MLXIP: variants seen among roughly 807,000 people sequenced by gnomAD.
The protein encoded by MLXIP is MLX interacting protein.
Under a neutral mutation model 87.2 loss-of-function variants are expected in MLXIP, and 30 were observed. That is an observed-to-expected ratio of 0.34 (90% confidence interval 0.26 to 0.47). The LOEUF (loss-of-function observed/expected upper bound fraction) is 0.47. Among genes scored for constraint, MLXIP ranks in the 20% least tolerant of loss-of-function variants. The pLI is 1.00. For synonymous variants in MLXIP, 530 were observed against 514.0 expected (o/e 1.03, Z -0.42); for missense variants, 1,002 against 1,240.1 (o/e 0.81, Z 2.88).
In MLXIP at chr12:122,134,011, TGCGGGGCTCCCCCCGACCCAGA is replaced by T. The variant is rs763676073; in HGVS notation, c.1732+26_1732+47del. On this transcript the variant is annotated intron_variant, in intron 9 of 16. Transcript: ENST00000319080. The stretch of plus-strand genomic sequence containing the variant: ...AGGTGAGCCAGGCGGGGAGACTCAG[TGCGGGGCTCCCCCCGACCCAGA>T]GGGATGTTTTCCCATCCCAAAGGCT... The T allele has an allele frequency of 1.7e-5, 27 of 1,573,134 alleles. No individual in the cohort carries two copies. In the African/African-American group the frequency reaches 3.6e-4, roughly 21 times the overall value.
chr12:122,092,539 C>T (rs530236454), intron 1 of MLXIP, among the ~76,000 whole-genome samples: 22 of 152,146 alleles, frequency 1.4e-4, no homozygotes, highest in African/African-American at 3.9e-4. Flanking sequence ...GCCTAGGAGA[C>T]GGTTAGTTAC....
chr12:122,132,469 T>C (rs960978899), intron 8 of MLXIP, 86 bp downstream of exon 8: 48 of 1,059,872 alleles, frequency 4.5e-5, no homozygotes, highest in Admixed American at 4.2e-4. Context: ...GCAAGGCTAA[T>C]GGCATAGCCA....
In MLXIP at chr12:122,117,381, T is replaced by C. The variant is rs534006442; in HGVS notation, c.414-9875T>C. Among the ~76,000 whole-genome samples the C allele has an allele frequency of 3.9e-5, 6 of 152,350 alleles. No homozygotes were observed. In the South Asian group the frequency reaches 1.2e-3, roughly 32 times the overall value. ...CCCCTCCCGCGTGCCAGCTCCTCAA[T>C]GAACCTTTGTTCGTCTGTAGCCTGT... is the stretch of plus-strand genomic sequence containing the variant. On this transcript the variant is annotated intron_variant, in intron 1 of 16. Coordinates refer to ENST00000319080, the MANE Select transcript of MLXIP (RefSeq NM_014938.6).
At position 122,146,610 on chromosome 12, in the gene MLXIP, T is replaced by TTGTGTGTATGCGTGTGTGTG. The variant is rs1953305878; in HGVS notation, c.*4806_*4825dup. ...GAACTCTTCACGTTGAATGTTGACT[T>TTGTGTGTATGCGTGTGTGTG]TGTGTGTATGCGTGTGTGTGTGTGT... On this transcript the variant is annotated 3_prime_UTR_variant, in exon 17 of 17. Transcript: ENST00000319080. 7.4e-6 allele frequency: 1 copy of TTGTGTGTATGCGTGTGTGTG among 135,538 alleles called. No homozygotes were observed. Among genetic ancestry groups the TTGTGTGTATGCGTGTGTGTG allele is most frequent in the Non-Finnish European group, 1.6e-5 (1 of 62,338 alleles). The allele number at this position is 135,538 out of a possible 1,614,324, so 8.4% of individuals were successfully genotyped here.
intron 1 of MLXIP, among the ~76,000 whole-genome samples, chr12:122,094,198 T>TGGAGTGTGTGGGTGTGTGTATG (rs1952304251): frequency 2.6e-5 from 1 of 38,060 alleles, no homozygotes; most frequent in Non-Finnish European, 6.6e-5. Flanking sequence ...GTTGTGTGTG[T>TGGAGTGTGTGGGTGTGTGTATG]TGGTGTGTGG....
At chr12:122,121,897 G>GTAAA (rs1952790081) in intron 1 of MLXIP, among the ~76,000 whole-genome samples, 1 of 152,214 alleles carries the variant, frequency 6.6e-6, no homozygotes, top group Non-Finnish European at 1.5e-5. Context: ...GCAGGGTGGT[G>GTAAA]TAAAGATTGT....
chr12:122,109,003 G>C (rs1023280144), intron 1 of MLXIP, among the ~76,000 whole-genome samples: 1 of 152,212 alleles, frequency 6.6e-6, no homozygotes, highest in Non-Finnish European at 1.5e-5. Flanking sequence ...CACAATCTCA[G>C]CTCACTGCAA....
At chr12:122,080,492 G>A (rs903223878) in intron 1 of MLXIP, among the ~76,000 whole-genome samples, 13 of 152,102 alleles carry the variant, frequency 8.5e-5, no homozygotes, top group Non-Finnish European at 1.5e-4. Flanking sequence ...ACTTAGCCCT[G>A]GATGGCACCC....
At chr12:122,098,203 C>T (rs1952384897) in intron 1 of MLXIP, among the ~76,000 whole-genome samples, 1 of 152,178 alleles carries the variant, frequency 6.6e-6, no homozygotes, top group South Asian at 2.1e-4. Flanking sequence ...AGGGATGAAG[C>T]GAGCAGGGCA....
intron 1 of MLXIP, among the ~76,000 whole-genome samples, chr12:122,121,011 T>TTTTG (rs1952773370): frequency 1.4e-5 from 1 of 69,492 alleles, no homozygotes; most frequent in Non-Finnish European, 3.4e-5. Flanking sequence ...GCATGCTTGG[T>TTTTG]TTTTTTTTTT....
chr12:122,126,048 ACCT>A (rs1405300100), intron 1 of MLXIP, among the ~76,000 whole-genome samples: 1 of 152,064 alleles, frequency 6.6e-6, no homozygotes, highest in East Asian at 1.9e-4. Flanking sequence ...GTCAGATCAA[ACCT>A]CCACAGCCGC....
intron 1 of MLXIP, among the ~76,000 whole-genome samples, chr12:122,097,415 G>A: frequency 6.6e-6 from 1 of 152,058 alleles, no homozygotes; most frequent in East Asian, 1.9e-4. Context: ...GAACCCAGGA[G>A]TTCCATATCA....
chr12:122,095,700 A>G (rs1216618851), intron 1 of MLXIP, among the ~76,000 whole-genome samples: 1 of 151,918 alleles, frequency 6.6e-6, no homozygotes, highest in Non-Finnish European at 1.5e-5. Context: ...TTGCATTTCA[A>G]ATTATCATAG....
chr12:122,086,141 G>A (rs907323057), intron 1 of MLXIP, among the ~76,000 whole-genome samples: 9 of 152,080 alleles, frequency 5.9e-5, no homozygotes, highest in African/African-American at 9.7e-5. Flanking sequence ...GCGAGGGGAC[G>A]GGTTCTCCCC....
chr12:122,109,795 A>G (rs1159455455), intron 1 of MLXIP, among the ~76,000 whole-genome samples: 1 of 152,246 alleles, frequency 6.6e-6, no homozygotes, highest in Non-Finnish European at 1.5e-5. Flanking sequence ...TCTCAGTAGC[A>G]GATGGGAGAA....
At chr12:122,095,434 G>A (rs1952337280) in intron 1 of MLXIP, among the ~76,000 whole-genome samples, 1 of 152,030 alleles carries the variant, frequency 6.6e-6, no homozygotes, top group African/African-American at 2.4e-5. Flanking sequence ...TAGCTTTATG[G>A]TTCTTAAGTG....
At position 122,137,187 on chromosome 12, in the gene MLXIP, C is replaced by G. The variant is rs116966665; in HGVS notation, c.2033-282C>G. 7.8e-6 allele frequency: 2 copies of G among 254,872 alleles called. No individual in the cohort carries two copies. Among genetic ancestry groups the G allele is most frequent in the Non-Finnish European group, 1.5e-5 (2 of 136,100 alleles). The allele number at this position is 254,872 out of a possible 1,614,324, so 15.8% of individuals were successfully genotyped here. On this transcript the variant is annotated intron_variant, in intron 11 of 16. Transcript: ENST00000319080. The surrounding 1 kb of genome is among the most constrained non-coding windows in gnomAD (Gnocchi z 4.1). ...ATAATAATAATAAAGAGCCCACCTG[C>G]GAAATATCTCGTAAAGCGACACCAG...
intron 4 of MLXIP, 93 bp from the exon 5 acceptor site, chr12:122,129,495 C>A: frequency 6.9e-7 from 1 of 1,455,824 alleles, no homozygotes; most frequent in Non-Finnish European, 9.4e-7. Flanking sequence ...AGCAGGACCC[C>A]TACCTGCCTC....
chr12:122,100,964 A>G (rs895815306), intron 1 of MLXIP, among the ~76,000 whole-genome samples: 4 of 152,248 alleles, frequency 2.6e-5, no homozygotes, highest in Non-Finnish European at 4.4e-5. Context: ...TGTTCACCAG[A>G]TTAACTTGTA....
Sources: allele counts gnomAD v4.1 joint callset (sites outside exome capture counted in the v4.1 genomes callset), GRCh38; gene constraint gnomAD v4.1.1; non-coding constraint Gnocchi (gnomAD v3.1); transcripts MANE v1.5; gene names NCBI Gene and HGNC (gene_info 2026-07-23, HGNC 2026-07-21).